The following RBFOX1 variants were observed in gnomAD, a reference collection of about 807,000 sequenced individuals.
RBFOX1 encodes RNA binding protein fox-1 homolog 1.
In RBFOX1, 8 loss-of-function variants were observed where a neutral mutation model predicts 57.7. That is an observed-to-expected ratio of 0.14 (90% CI 0.08 to 0.25). The LOEUF is 0.25. Ranked by LOEUF, RBFOX1 falls within the 10% of genes least tolerant of loss-of-function variation. The probability of loss-of-function intolerance (pLI) is 1.00; values close to 1 mark genes in which losing one functional copy is unlikely to be tolerated. For synonymous variants in RBFOX1, 326 were observed against 222.4 expected (o/e 1.47, Z -4.15); for missense variants, 611 against 548.5 (o/e 1.11, Z -1.14).
At chr16:5,751,899 T>C (rs1394180989) in intron 3 of RBFOX1, among the ~76,000 whole-genome samples, 2 of 152,160 alleles carry the variant, frequency 1.3e-5, no homozygotes, top group Admixed American at 6.5e-5. Flanking sequence ...AGAAATACCA[T>C]TTGACCCAGC....
intron 1 of RBFOX1, among the ~76,000 whole-genome samples, chr16:6,263,468 G>A (rs138298915): frequency 2.6e-4 from 39 of 152,244 alleles, no homozygotes; most frequent in East Asian, 1.2e-3. Context: ...TTCTGGAATC[G>A]CCTGATTTGA....
In RBFOX1 at chr16:6,940,836, C is replaced by T. The variant is rs1478938514; in HGVS notation, c.-15-111221C>T. Among the ~76,000 whole-genome samples, 3 of 127,954 alleles carry T rather than the reference C, an allele frequency of 2.3e-5. No individual in the cohort carries two copies. The Admixed American group carries it at 2.4e-4, about 10-fold the overall frequency. 83.9% of individuals were successfully genotyped at this position (127,954 alleles called of 152,430 possible). ...TAGCTGGGAGTACAGGCGCCTGCCA[C>T]CATGTCCGGCTAGTCTGTGTGTGTG... On this transcript the variant is annotated intron_variant, in intron 3 of 15. Transcript: ENST00000550418.
chr16:7,040,424 A>G (rs1427459503), intron 3 of RBFOX1, among the ~76,000 whole-genome samples: 1 of 152,220 alleles, frequency 6.6e-6, no homozygotes, highest in Non-Finnish European at 1.5e-5. Flanking sequence ...CAATAACCAT[A>G]TAACTCAGGC....
intron 5 of RBFOX1, among the ~76,000 whole-genome samples, chr16:7,541,695 G>A (rs1352078316): frequency 6.6e-6 from 1 of 152,214 alleles, no homozygotes; most frequent in Non-Finnish European, 1.5e-5. Flanking sequence ...CCATTGGAAT[G>A]GAGTGAATGC....
chr16:7,595,715 G>A (rs1213999942), intron 8 of RBFOX1, 74 bp downstream of exon 8: 45 of 1,226,428 alleles, frequency 3.7e-5, no homozygotes, highest in Non-Finnish European at 4.8e-5. Flanking sequence ...TGTTCCAGAT[G>A]CATCATTGGC....
At chr16:5,593,605 C>T (rs779964252) in intron 2 of RBFOX1, among the ~76,000 whole-genome samples, 15 of 152,168 alleles carry the variant, frequency 9.9e-5, no homozygotes, top group Non-Finnish European at 1.9e-4. Context: ...TGCTACACTC[C>T]CACCAGCGTC....
At chr16:7,181,938 G>C (rs986208946) in intron 4 of RBFOX1, among the ~76,000 whole-genome samples, 21 of 152,132 alleles carry the variant, frequency 1.4e-4, no homozygotes, top group African/African-American at 4.3e-4. Flanking sequence ...CTCAGCCGTC[G>C]AAATACAGGA....
At chr16:6,730,141 T>G (rs1313147634) in intron 3 of RBFOX1, among the ~76,000 whole-genome samples, 1 of 152,078 alleles carries the variant, frequency 6.6e-6, no homozygotes, top group East Asian at 1.9e-4. Flanking sequence ...AGTATTTGCT[T>G]CCCTAAAAGA....
At chr16:7,585,638 T>C (rs1029590437) in intron 6 of RBFOX1, among the ~76,000 whole-genome samples, 2 of 152,216 alleles carry the variant, frequency 1.3e-5, no homozygotes, top group Non-Finnish European at 2.9e-5. Flanking sequence ...TTGGTTACTT[T>C]GTCCCATAGT....
intron 3 of RBFOX1, among the ~76,000 whole-genome samples, chr16:6,908,983 TCTG>T (rs1350961582): frequency 5.9e-5 from 9 of 152,194 alleles, no homozygotes; most frequent in Non-Finnish European, 8.8e-5. Flanking sequence ...GCTCCGTTCT[TCTG>T]CTTCTGAACA....
intron 2 of RBFOX1, among the ~76,000 whole-genome samples, chr16:6,563,248 C>T (rs1029273795): frequency 2.0e-5 from 3 of 152,136 alleles, no homozygotes; most frequent in Admixed American, 1.3e-4. Flanking sequence ...CTGTGCAACA[C>T]GCATGAGATT....
intron 3 of RBFOX1, among the ~76,000 whole-genome samples, chr16:6,897,420 C>T (rs1424494300): frequency 6.6e-6 from 1 of 151,928 alleles, no homozygotes; most frequent in Non-Finnish European, 1.5e-5. Context: ...CAAAAGGAAA[C>T]ATTTGCATTG....
chr16:7,573,323 T>C (rs1567899637), intron 5 of RBFOX1, among the ~76,000 whole-genome samples: 1 of 152,098 alleles, frequency 6.6e-6, no homozygotes, highest in Non-Finnish European at 1.5e-5. Flanking sequence ...CCGAGAACAC[T>C]GAACCTTATA....
intron 3 of RBFOX1, among the ~76,000 whole-genome samples, chr16:6,847,449 C>A (rs1347157572): frequency 6.6e-6 from 1 of 152,022 alleles, no homozygotes; most frequent in African/African-American, 2.4e-5. Context: ...ATCATCTTCA[C>A]AGCAATGGGG....
intron 5 of RBFOX1, among the ~76,000 whole-genome samples, chr16:7,559,492 T>G (rs184043631): frequency 6.6e-6 from 1 of 152,194 alleles, no homozygotes; most frequent in East Asian, 1.9e-4. Flanking sequence ...AATATAAAAG[T>G]CTTTCTTTTT....
chr16:5,618,655 G>A (rs532445472), intron 3 of RBFOX1, among the ~76,000 whole-genome samples: 18 of 152,272 alleles, frequency 1.2e-4, no homozygotes, highest in South Asian at 4.1e-4. Flanking sequence ...ATTTTTGTAC[G>A]TAAGTTATAC....
intron 3 of RBFOX1, among the ~76,000 whole-genome samples, chr16:6,907,607 G>C (rs1333899896): frequency 6.6e-6 from 1 of 152,080 alleles, no homozygotes; most frequent in East Asian, 1.9e-4. Context: ...TCTCACTCTG[G>C]TTGCCCAGGC....
intron 3 of RBFOX1, among the ~76,000 whole-genome samples, chr16:5,709,809 T>TATATATA (rs1555506306): frequency 6.9e-5 from 1 of 14,460 alleles, no homozygotes; most frequent in African/African-American, 3.2e-4. Flanking sequence ...ATCAGTTTCT[T>TATATATA]TATATATATA....
At chr16:7,200,429 C>T (rs1205635875) in intron 4 of RBFOX1, among the ~76,000 whole-genome samples, 1 of 152,202 alleles carries the variant, frequency 6.6e-6, no homozygotes, top group South Asian at 2.1e-4. Flanking sequence ...TCTCCATATT[C>T]AGCAAATGTT....
Sources: gnomAD v4.1 joint callset for allele counts (sites outside exome capture counted in the v4.1 genomes callset) on GRCh38, gnomAD v4.1.1 for gene constraint, MANE v1.5 for transcripts, NCBI Gene and HGNC (gene_info 2026-07-23, HGNC 2026-07-21) for gene names.